PCDHGA2: variants seen among roughly 807,000 people sequenced by gnomAD.
PCDHGA2 encodes protocadherin gamma subfamily A, 2, also known as protocadherin gamma-A2.
In PCDHGA2, 40 loss-of-function variants were observed where a neutral mutation model predicts 59.2. The ratio of observed to expected loss-of-function variants is 0.68; its 90% CI spans 0.52 to 0.88. The LOEUF is 0.88. Among genes scored for constraint, PCDHGA2 ranks in the 40% least tolerant of loss-of-function variants. The pLI is 0.00. For synonymous variants in PCDHGA2, 560 were observed against 526.0 expected (o/e 1.06, Z -0.89); for missense variants, 1,226 against 1,204.0 (o/e 1.02, Z -0.27).
intron 1 of PCDHGA2, chr5:141,352,069 C>T (rs1469927143): frequency 6.2e-7 from 1 of 1,605,522 alleles, no homozygotes; most frequent in Non-Finnish European, 8.5e-7. Context: ...TGTCCTACCA[C>T]GTGCTGCAGG....
chr5:141,422,296 A>C, intron 1 of PCDHGA2: 1 of 1,550,706 alleles, frequency 6.4e-7, no homozygotes, highest in South Asian at 1.3e-5. Context: ...TATTAATTCA[A>C]TTCTGGAAAA....
Position 141,462,764 on chromosome 5 carries a change from G to C in PCDHGA2, c.2425-32043G>C, listed in dbSNP as rs150842317. Among the ~76,000 whole-genome samples, 589 of 152,084 alleles carry C rather than the reference G, an allele frequency of 3.9e-3. 5 individuals are homozygous for C. Among genetic ancestry groups the C allele is most frequent in the Admixed American group, 0.011 (169 of 15,274 alleles). ...AATTCCTATGATGATTTTCTTCCTG[G>C]CTTGGGGTCATAATTTGTTGCTTAT... On this transcript the variant is annotated intron_variant, in intron 1 of 3. Transcript: ENST00000394576.
Position 141,384,146 on chromosome 5 carries a change from C to G in PCDHGA2, c.2424+42751C>G, listed in dbSNP as rs369384722. 2.5e-6 allele frequency: 4 copies of G among 1,613,166 alleles called. No homozygotes were observed. The East Asian group carries it at 6.7e-5, about 27-fold the overall frequency. Reference sequence around the variant, plus strand: ...AAAAACTTGGACCGGGAAACACTCTCTTTGTATAACATCACACTGAAAGCC... The same window carrying G: ...AAAAACTTGGACCGGGAAACACTCTGTTTGTATAACATCACACTGAAAGCC... On this transcript the variant is annotated intron_variant, in intron 1 of 3. Transcript: ENST00000394576.
intron 1 of PCDHGA2, chr5:141,360,426 G>A (rs763572902): frequency 2.5e-6 from 4 of 1,614,000 alleles, no homozygotes; most frequent in Non-Finnish European, 2.5e-6. Flanking sequence ...AGATATGCGG[G>A]AAGCAGCCTC....
rs766348365 is a variant in PCDHGA2, at chr5:141,360,614, C to T, written c.2424+19219C>T. The T allele has an allele frequency of 6.2e-6, 10 of 1,613,920 alleles. No individual in the cohort carries two copies. The Admixed American group carries it at 1.3e-4, about 22-fold the overall frequency. On this transcript the variant is annotated intron_variant, in intron 1 of 3. Coordinates refer to ENST00000394576, the MANE Select transcript of PCDHGA2 (RefSeq NM_018915.4). ...TTTCCACTTGACCCAGCCCTGGATT[C>T]AGATGTTGGTCCTAACTCACTACAA...
At chr5:141,352,195 A>T (rs1010482116) in intron 1 of PCDHGA2, 166 of 1,613,752 alleles carry the variant, frequency 1.0e-4, no homozygotes, top group Non-Finnish European at 1.3e-4. Flanking sequence ...TGCGTGATGG[A>T]GGACAGCCGC....
At chr5:141,435,306 T>C (rs2154556603) in intron 1 of PCDHGA2, among the ~76,000 whole-genome samples, 1 of 152,358 alleles carries the variant, frequency 6.6e-6, no homozygotes, top group East Asian at 1.9e-4. Flanking sequence ...TGGTTTTAAA[T>C]CATTCATGAA....
At chr5:141,399,627 C>G (rs751717107) in intron 1 of PCDHGA2, 12 of 1,613,906 alleles carry the variant, frequency 7.4e-6, no homozygotes, top group South Asian at 1.1e-5. Context: ...TGGCCTCTTA[C>G]GTGTCCATGA....
chr5:141,352,089 C>T (rs1758913070), intron 1 of PCDHGA2: 1 of 1,605,188 alleles, frequency 6.2e-7, no homozygotes, highest in Non-Finnish European at 8.5e-7. Flanking sequence ...GCCAGCGAGC[C>T]CGGGCTCTTC....
chr5:141,410,561 G>T (rs201832666), intron 1 of PCDHGA2: 171 of 1,612,580 alleles, frequency 1.1e-4, no homozygotes, highest in Admixed American at 2.7e-4. Context: ...TTCTCCTGGA[G>T]CCTTAATTCC....
intron 1 of PCDHGA2, chr5:141,351,263 G>C (rs777132958): frequency 9.3e-6 from 15 of 1,613,968 alleles, no homozygotes; most frequent in Non-Finnish European, 1.3e-5. Flanking sequence ...AGAAATTGTT[G>C]ACGAGAATGA....
Position 141,346,317 on chromosome 5 carries a change from G to A in PCDHGA2, c.2424+4922G>A. The A allele has an allele frequency of 6.2e-7, 1 of 1,614,208 alleles. No homozygotes were observed. Among genetic ancestry groups the A allele is most frequent in the Admixed American group, 1.7e-5 (1 of 60,026 alleles). Reference sequence around the variant, plus strand: ...TTCCCACGAGGTCTCCCTCACTGCGGACTCGCGGAAGAGCCACCTGATTTT... The same window carrying A: ...TTCCCACGAGGTCTCCCTCACTGCGAACTCGCGGAAGAGCCACCTGATTTT... On this transcript the variant is annotated intron_variant, in intron 1 of 3. Coordinates refer to ENST00000394576, the MANE Select transcript of PCDHGA2 (RefSeq NM_018915.4).
Position 141,417,842 on chromosome 5 carries a change from C to A in PCDHGA2, c.2424+76447C>A, listed in dbSNP as rs1247720013. 3 of 1,537,164 alleles carry A rather than the reference C, an allele frequency of 2.0e-6. No homozygotes were observed. The South Asian group carries it at 3.6e-5, about 19-fold the overall frequency. Reference sequence around the variant, plus strand: ...TCCAACTGGAAAAGCGGGGACCCAGCGAGAACCCGAGCGAACGATGGGAGG... The same window carrying A: ...TCCAACTGGAAAAGCGGGGACCCAGAGAGAACCCGAGCGAACGATGGGAGG... On this transcript the variant is annotated intron_variant, in intron 1 of 3. Transcript: ENST00000394576.
rs2096665320 is a variant in PCDHGA2 at position 141,422,696 on chromosome 5, A to G, written c.2425-72111A>G. The G allele has an allele frequency of 3.1e-6, 5 of 1,602,638 alleles. No homozygotes were observed. The highest frequency in any genetic ancestry group is 4.3e-6 in the Non-Finnish European group (5 of 1,174,110). On this transcript the variant is annotated intron_variant, in intron 1 of 3. Coordinates refer to ENST00000394576, the MANE Select transcript of PCDHGA2 (RefSeq NM_018915.4). Reference sequence around the variant, plus strand: ...AGCAAACAGAATGCCCTGGTCACTTACTCTCTGACGGATGACACTGTCCAG... The same window carrying G: ...AGCAAACAGAATGCCCTGGTCACTTGCTCTCTGACGGATGACACTGTCCAG...
intron 1 of PCDHGA2, chr5:141,492,055 G>C (rs1335131646): frequency 4.1e-6 from 2 of 493,506 alleles, no homozygotes; most frequent in Non-Finnish European, 7.1e-6. Flanking sequence ...CACCCCTGCA[G>C]CCAGCCTCCT....
chr5:141,430,997 C>T, intron 1 of PCDHGA2: 1 of 1,613,926 alleles, frequency 6.2e-7, no homozygotes, highest in Non-Finnish European at 8.5e-7. Context: ...CCTGAATCCG[C>T]GCAGCGGCAG....
chr5:141,417,963 A>T (rs1260025037), intron 1 of PCDHGA2: 1 of 1,613,258 alleles, frequency 6.2e-7, no homozygotes, highest in Non-Finnish European at 8.5e-7. Flanking sequence ...CCGATCCGCT[A>T]CTCGATTCCG....
rs551289441 is a variant in PCDHGA2, at chr5:141,444,102, C to T, written c.2425-50705C>T. ...TGAAAAGTCTGCTAAGGATTGGAAACCAAGAAAAGTGAAGTATCTCAACAG... is the reference window on the plus strand; with the variant it reads ...TGAAAAGTCTGCTAAGGATTGGAAATCAAGAAAAGTGAAGTATCTCAACAG... On this transcript the variant is annotated intron_variant, in intron 1 of 3. Coordinates refer to ENST00000394576, the MANE Select transcript of PCDHGA2 (RefSeq NM_018915.4). Among the ~76,000 whole-genome samples the T allele has an allele frequency of 1.5e-3, 216 of 144,128 alleles. 1 individual carries two copies. Among genetic ancestry groups the T allele is most frequent in the African/African-American group, 5.4e-3 (211 of 38,798 alleles). 94.6% of individuals were successfully genotyped at this position (144,128 alleles called of 152,430 possible).
At chr5:141,394,376 C>G (rs1407081878) in intron 1 of PCDHGA2, 29 of 1,614,222 alleles carry the variant, frequency 1.8e-5, no homozygotes, top group Non-Finnish European at 2.5e-5. Flanking sequence ...AATCTTTCGA[C>G]TATGAGCAGA....
Sources: gnomAD v4.1 joint callset for allele counts (sites outside exome capture counted in the v4.1 genomes callset) on GRCh38, gnomAD v4.1.1 for gene constraint, MANE v1.5 for transcripts, NCBI Gene and HGNC (gene_info 2026-07-23, HGNC 2026-07-21) for gene names.